RNF139: variants seen among roughly 807,000 people sequenced by gnomAD.
The protein encoded by RNF139 is ring finger protein 139.
A neutral mutation model predicts 49.5 loss-of-function variants in RNF139; 15 were observed. The ratio of observed to expected loss-of-function variants is 0.30; its 90% CI spans 0.20 to 0.47. The LOEUF (loss-of-function observed/expected upper bound fraction) is 0.47. RNF139 is among the 20% of genes least tolerant of loss of function. The pLI, the probability that RNF139 is intolerant of heterozygous loss-of-function variation, is 1.00. For synonymous variants in RNF139, 325 were observed against 300.9 expected, an observed-to-expected ratio of 1.08 and a Z score of -0.83; for missense variants, 619 against 806.3, an observed-to-expected ratio of 0.77 and a Z score of 2.81.
intron 1 of RNF139, among the ~76,000 whole-genome samples, chr8:124,483,022 TA>T (rs1412400969): frequency 1.2e-5 from 1 of 85,172 alleles, no homozygotes; most frequent in African/African-American, 7.5e-5. Flanking sequence ...TATATATATA[TA>T]TTTAAATATA....
chr8:124,482,267 T>C (rs1225115807), intron 1 of RNF139, among the ~76,000 whole-genome samples: 1 of 152,178 alleles, frequency 6.6e-6, no homozygotes, highest in Non-Finnish European at 1.5e-5. Flanking sequence ...TTTCTTCATT[T>C]GTGTGTAGTA....
chr8:124,481,519 A>T (rs1816408483), intron 1 of RNF139, among the ~76,000 whole-genome samples: 1 of 151,854 alleles, frequency 6.6e-6, no homozygotes, highest in Admixed American at 6.6e-5. Context: ...ATCCAAATTG[A>T]AAAGGCCTGA....
intron 1 of RNF139, among the ~76,000 whole-genome samples, chr8:124,477,506 C>CT (rs1816333450): frequency 6.6e-6 from 1 of 152,136 alleles, no homozygotes; most frequent in African/African-American, 2.4e-5. Context: ...ATGGAAATCT[C>CT]TAAGTAAAAA....
intron 1 of RNF139, among the ~76,000 whole-genome samples, chr8:124,475,769 A>G (rs1816303956): frequency 6.6e-6 from 1 of 152,200 alleles, no homozygotes; most frequent in African/African-American, 2.4e-5. Context: ...AAGTGTCTGC[A>G]GTAAATGACA....
intron 1 of RNF139, among the ~76,000 whole-genome samples, chr8:124,478,845 G>T (rs938748543): frequency 2.2e-4 from 31 of 141,490 alleles, no homozygotes; most frequent in Admixed American, 1.8e-3. Flanking sequence ...TCAGCCTCCC[G>T]AGTAGCTAGG....
At chr8:124,485,325 G>T (rs1191462767) in intron 1 of RNF139, among the ~76,000 whole-genome samples, 18 of 152,162 alleles carry the variant, frequency 1.2e-4, no homozygotes, top group Admixed American at 5.9e-4. Context: ...GATTGCACCA[G>T]TGCACTCCAT....
intron 1 of RNF139, among the ~76,000 whole-genome samples, chr8:124,476,974 G>T (rs149574510): frequency 1.4e-3 from 219 of 152,306 alleles, no homozygotes; most frequent in Middle Eastern, 6.8e-3. Flanking sequence ...GTTTGACAAA[G>T]AACAACATGA....
At chr8:124,478,916 G>T (rs112322932) in intron 1 of RNF139, among the ~76,000 whole-genome samples, 23,343 of 151,424 alleles carry the variant, frequency 0.15, 2,250 homozygotes, top group Admixed American at 0.24. Flanking sequence ...GTAGAGACAG[G>T]TTTTCTCCAT....
At chr8:124,478,124 A>G (rs943092534) in intron 1 of RNF139, among the ~76,000 whole-genome samples, 2 of 150,888 alleles carry the variant, frequency 1.3e-5, no homozygotes, top group African/African-American at 4.9e-5. Context: ...GCCTGGGGAT[A>G]GAGTGAGACT....
rs201854034 is a variant in RNF139, at chr8:124,486,024, G to C, written c.375G>C (p.Ser125=). Residue 125 remains serine (S), a synonymous_variant, in exon 2 of 2, where the codon TCG becomes TCC. Coordinates refer to ENST00000303545, the MANE Select transcript of RNF139 (RefSeq NM_007218.4). Reference sequence around the variant, plus strand: ...AGCTGCTTCCTCGAAAAGGTCCCTCGCTGTGGATGGCACTTATCGTTCTAC... The same window carrying C: ...AGCTGCTTCCTCGAAAAGGTCCCTCCCTGTGGATGGCACTTATCGTTCTAC... ...GIELLPRKGP[S]LWMALIVLQL... 1 of 1,614,104 alleles carries C rather than the reference G, an allele frequency of 6.2e-7. No individual in the cohort carries two copies. Among genetic ancestry groups the C allele is most frequent in the South Asian group, 1.1e-5 (1 of 91,076 alleles).
chr8:124,477,390 G>A (rs1050616344), intron 1 of RNF139, among the ~76,000 whole-genome samples: 5 of 152,160 alleles, frequency 3.3e-5, no homozygotes, highest in African/African-American at 7.2e-5. Context: ...GAAATTAATC[G>A]TTCTGCCTTG....
At chr8:124,485,790 C>A (rs1365205943) in intron 1 of RNF139, 41 bp from the exon 2 acceptor site, 9 of 1,480,042 alleles carry the variant, frequency 6.1e-6, no homozygotes, top group South Asian at 2.6e-5. Context: ...AACATTCTTA[C>A]AAATACTTCA....
chr8:124,475,375 T>C (rs1816297128), intron 1 of RNF139, 85 bp downstream of exon 1: 7 of 1,375,304 alleles, frequency 5.1e-6, no homozygotes, highest in Non-Finnish European at 5.1e-6. Context: ...GCAGAGGCCA[T>C]GGGTCGAGTA....
chr8:124,486,470 G>A lies in RNF139; in HGVS notation c.821G>A (p.Trp274Ter). The A allele has an allele frequency of 6.2e-7, 1 of 1,614,060 alleles. No homozygotes were observed. Among genetic ancestry groups the A allele is most frequent in the Non-Finnish European group, 8.5e-7 (1 of 1,179,990 alleles). ...TTCTTTATTTCTTGGGATGATTTTT[G>A]GGACCTCATTTGCAATCTTATAATT... ...DSFFISWDDFWDLICNLIISG... is the reference protein window; with the variant it reads ...DSFFISWDDF The change falls in exon 2 of 2, where the codon TGG becomes TAG. Residue 274 changes from tryptophan to a stop codon, truncating the protein, a stop_gained. Transcript: ENST00000303545. LOFTEE classifies it high-confidence loss of function.
chr8:124,476,826 C>G (rs1816323827), intron 1 of RNF139, among the ~76,000 whole-genome samples: 1 of 152,200 alleles, frequency 6.6e-6, no homozygotes, highest in African/African-American at 2.4e-5. Flanking sequence ...GTCTGTTGAG[C>G]TTCAGGTTAG....
rs185825406 is a variant in RNF139, at chr8:124,486,072, C to T, written c.423C>T (p.Tyr141=). ...IVLQLTFGIG[Y]VTLLQIHSIY... is the part of the protein sequence containing the mutation. ...TACAGCTAACATTTGGAATTGGATA[C>T]GTTACACTACTCCAGATTCATTCCA... Residue 141 remains tyrosine (Y), a synonymous_variant, in exon 2 of 2, where the codon TAC becomes TAT. Coordinates refer to ENST00000303545, the MANE Select transcript of RNF139 (RefSeq NM_007218.4). The T allele has an allele frequency of 1.2e-5, 19 of 1,614,124 alleles. No homozygotes were observed. In the East Asian group the frequency reaches 1.6e-4, roughly 13 times the overall value.
chr8:124,480,729 G>A (rs1219648645), intron 1 of RNF139, among the ~76,000 whole-genome samples: 1 of 152,050 alleles, frequency 6.6e-6, no homozygotes, highest in Non-Finnish European at 1.5e-5. Flanking sequence ...GGCGGCTGGG[G>A]GTAGGAATCA....
rs1413300693 is a variant in RNF139 at position 124,488,103 on chromosome 8, A to G, written c.*459A>G. Among the ~76,000 whole-genome samples, 3 of 152,220 alleles carry G rather than the reference A, an allele frequency of 2.0e-5. No homozygotes were observed. Among genetic ancestry groups the G allele is most frequent in the Non-Finnish European group, 4.4e-5 (3 of 68,032 alleles). ...TTGACCAGAGGATAAAGGACATGAGAGAGTATTTTAAAACTAAAGAAAAAA... is the reference window on the plus strand; with the variant it reads ...TTGACCAGAGGATAAAGGACATGAGGGAGTATTTTAAAACTAAAGAAAAAA... On this transcript the variant is annotated 3_prime_UTR_variant, in exon 2 of 2. Transcript: ENST00000303545.
intron 1 of RNF139, among the ~76,000 whole-genome samples, chr8:124,478,464 C>T (rs1460933178): frequency 6.6e-6 from 1 of 151,624 alleles, no homozygotes; most frequent in Non-Finnish European, 1.5e-5. Context: ...AAAAATTAGC[C>T]GGGTGCAGTG....
Sources: gnomAD v4.1 joint callset for allele counts (sites outside exome capture counted in the v4.1 genomes callset) on GRCh38, gnomAD v4.1.1 for gene constraint, MANE v1.5 for transcripts, NCBI Gene and HGNC (gene_info 2026-07-23, HGNC 2026-07-21) for gene names.